The following MRPL3 variants were observed in gnomAD, a reference collection of about 807,000 sequenced individuals.
The protein encoded by MRPL3 is large ribosomal subunit protein uL3m.
Under a neutral mutation model 44.3 loss-of-function variants are expected in MRPL3, and 43 were observed. The ratio of observed to expected loss-of-function variants is 0.97; its 90% CI spans 0.76 to 1.25. The LOEUF is 1.25. MRPL3 is among the 50% of genes most tolerant of loss of function. The pLI, the probability that MRPL3 is intolerant of heterozygous loss-of-function variation, is 0.00. For missense variants in MRPL3, 406 were observed against 427.6 expected (o/e 0.95, Z 0.45); for synonymous variants, 171 against 152.3 (o/e 1.12, Z -0.91).
At chr3:131,479,775 G>T (rs1310004234) in intron 6 of MRPL3, among the ~76,000 whole-genome samples, 1 of 152,212 alleles carries the variant, frequency 6.6e-6, no homozygotes. Context: ...AACCCAGGAG[G>T]CAGAGTTTGC....
intron 6 of MRPL3, among the ~76,000 whole-genome samples, chr3:131,478,903 G>A (rs750818962): frequency 6.6e-6 from 1 of 151,824 alleles, no homozygotes; most frequent in African/African-American, 2.4e-5. Context: ...ATGTTGGTCA[G>A]GCTGGTCTCA....
chr3:131,473,270 T>C (rs13059882), intron 6 of MRPL3, among the ~76,000 whole-genome samples: 47,627 of 151,894 alleles, frequency 0.31, 9,290 homozygotes, highest in Non-Finnish European at 0.44. Flanking sequence ...TCACGGGCAA[T>C]TGATTTTTGA....
At chr3:131,464,408 T>C (rs1183915445) in intron 9 of MRPL3, among the ~76,000 whole-genome samples, 1 of 152,102 alleles carries the variant, frequency 6.6e-6, no homozygotes, top group Non-Finnish European at 1.5e-5. Flanking sequence ...GGTGCAAAAG[T>C]TGAGGGCCAA....
intron 9 of MRPL3, among the ~76,000 whole-genome samples, chr3:131,464,257 ACT>A (rs2110692612): frequency 6.6e-6 from 1 of 152,286 alleles, no homozygotes; most frequent in Admixed American, 6.5e-5. Flanking sequence ...CAAAGAGATA[ACT>A]CTCAGTTGCT....
Position 131,496,675 on chromosome 3 carries a change from A to G in MRPL3, c.468+1504T>C, listed in dbSNP as rs543555018. Among the ~76,000 whole-genome samples, 4 of 152,190 alleles carry G rather than the reference A, an allele frequency of 2.6e-5. No individual in the cohort carries two copies. In the East Asian group the frequency reaches 7.7e-4, roughly 29 times the overall value. ...CCAATCCCTGCCCCTTCCAATCTCA[A>G]TGCAACTGCCTTGCTTCTAAAGGCT... On this transcript the variant is annotated intron_variant, in intron 4 of 9. Coordinates refer to ENST00000264995, the MANE Select transcript of MRPL3 (RefSeq NM_007208.4).
intron 1 of MRPL3, 24 bp from the exon 2 acceptor site, chr3:131,501,739 A>T: frequency 1.3e-6 from 2 of 1,594,304 alleles, no homozygotes; most frequent in Non-Finnish European, 1.7e-6. Flanking sequence ...AAATAAATAA[A>T]ACCAAACCAC....
chr3:131,502,646 A>G lies in MRPL3; in HGVS notation c.92+84T>C, dbSNP rs1934523387. 2.6e-6 allele frequency: 3 copies of G among 1,168,702 alleles called. No homozygotes were observed. In the South Asian group the frequency reaches 4.4e-5, roughly 17 times the overall value. 72.4% of individuals were successfully genotyped at this position (1,168,702 alleles called of 1,614,324 possible). A position where few individuals can be genotyped will look rare whatever the true frequency, so the allele number is the denominator to read the frequency against. The stretch of plus-strand genomic sequence containing the variant: ...TCTCAACAGAGCCCCTTCCTCCTCC[A>G]CCCAGGGGAGGCCCAACTGCACCAG... On this transcript the variant is annotated intron_variant, in intron 1 of 9. Transcript: ENST00000264995.
chr3:131,466,801 C>A (rs995413173), intron 9 of MRPL3, among the ~76,000 whole-genome samples: 1 of 151,912 alleles, frequency 6.6e-6, no homozygotes, highest in Non-Finnish European at 1.5e-5. Context: ...ATCAGGATAA[C>A]TAGCATATCC....
chr3:131,499,084 T>C (rs1934436246), intron 3 of MRPL3, among the ~76,000 whole-genome samples: 1 of 152,238 alleles, frequency 6.6e-6, no homozygotes, highest in African/African-American at 2.4e-5. Flanking sequence ...CTTTTCTTTA[T>C]AATTACTATA....
chr3:131,487,728 TAA>T lies in MRPL3; in HGVS notation c.579_580del (p.Tyr194CysfsTer19). 5.0e-6 allele frequency: 8 copies of T among 1,610,492 alleles called. No homozygotes were observed. Among genetic ancestry groups the T allele is most frequent in the African/African-American group, 1.3e-5 (1 of 74,848 alleles). On this transcript the variant is annotated frameshift_variant, in exon 6 of 10. Coordinates refer to ENST00000264995, the MANE Select transcript of MRPL3 (RefSeq NM_007208.4). LOFTEE classifies it high-confidence loss of function. ...CTGTCCTGGACGAAAGTGAGCAGCA[TAA>T]AGAGGAGTGCCTTTATGAAAAGAAA...
intron 7 of MRPL3, among the ~76,000 whole-genome samples, 154 bp from the exon 8 acceptor site, chr3:131,469,927 A>G (rs576566558): frequency 6.6e-6 from 1 of 152,294 alleles, no homozygotes; most frequent in East Asian, 1.9e-4. Context: ...ATATGGATTT[A>G]GGCATATTTA....
intron 8 of MRPL3, 67 bp downstream of exon 8, chr3:131,469,629 C>A: frequency 9.1e-7 from 1 of 1,097,172 alleles, no homozygotes; most frequent in Non-Finnish European, 1.4e-6. Flanking sequence ...AGATTAAATA[C>A]ATATTCTGCT....
chr3:131,472,901 A>T (rs1006704184), intron 6 of MRPL3, among the ~76,000 whole-genome samples: 2 of 152,194 alleles, frequency 1.3e-5, no homozygotes, highest in Admixed American at 1.3e-4. Flanking sequence ...TAAAACATTG[A>T]TGAAAGAAAC....
intron 6 of MRPL3, chr3:131,479,223 C>T (rs1278229294): frequency 9.7e-6 from 5 of 513,652 alleles, no homozygotes; most frequent in East Asian, 1.1e-4. Flanking sequence ...GCAAGGTCTA[C>T]GAGTATGCCC....
At chr3:131,477,684 T>A (rs1289724271) in intron 6 of MRPL3, among the ~76,000 whole-genome samples, 2 of 152,190 alleles carry the variant, frequency 1.3e-5, no homozygotes, top group Admixed American at 6.5e-5. Flanking sequence ...AGATACCCTA[T>A]CATTTCATTC....
chr3:131,487,571 A>G, intron 6 of MRPL3, 109 bp downstream of exon 6: 1 of 863,964 alleles, frequency 1.2e-6, no homozygotes, highest in East Asian at 2.6e-5. Flanking sequence ...AATGAGAAAT[A>G]TATTTATCCT....
intron 6 of MRPL3, among the ~76,000 whole-genome samples, chr3:131,478,740 G>A (rs895727624): frequency 1.5e-5 from 2 of 136,564 alleles, no homozygotes; most frequent in South Asian, 2.2e-4. Flanking sequence ...ACAGACTCTC[G>A]CTCTGTTTAC....
intron 3 of MRPL3, among the ~76,000 whole-genome samples, chr3:131,498,810 A>G (rs1934430130): frequency 6.6e-6 from 1 of 152,156 alleles, no homozygotes; most frequent in Non-Finnish European, 1.5e-5. Context: ...AAGAAGTAGA[A>G]TCCCAAAAGC....
At position 131,462,568 on chromosome 3, in the gene MRPL3, T is replaced by C; in HGVS notation, c.*155A>G. The C allele has an allele frequency of 1.8e-6, 1 of 554,586 alleles. No homozygotes were observed. The highest frequency in any genetic ancestry group is 6.8e-5 in the South Asian group (1 of 14,728). The allele number at this position is 554,586 out of a possible 1,614,324, so 34.4% of individuals were successfully genotyped here. A position where few individuals can be genotyped will look rare whatever the true frequency, so the allele number is the denominator to read the frequency against. Reference sequence around the variant, plus strand: ...TGGTAATTTTTCTAACAAAATTTAATGGGGGTATGAATGATATATTTATGC... The same window carrying C: ...TGGTAATTTTTCTAACAAAATTTAACGGGGGTATGAATGATATATTTATGC... On this transcript the variant is annotated 3_prime_UTR_variant, in exon 10 of 10. Coordinates refer to ENST00000264995, the MANE Select transcript of MRPL3 (RefSeq NM_007208.4).
Sources: allele counts gnomAD v4.1 joint callset (sites outside exome capture counted in the v4.1 genomes callset), GRCh38; gene constraint gnomAD v4.1.1; transcripts MANE v1.5; gene names NCBI Gene and HGNC (gene_info 2026-07-23, HGNC 2026-07-21).